SLC1A1: variants seen among roughly 807,000 people sequenced by gnomAD.
SLC1A1 encodes solute carrier family 1 member 1.
Under a neutral mutation model 53.3 loss-of-function variants are expected in SLC1A1, and 43 were observed. That is an observed-to-expected ratio of 0.81 (90% CI 0.63 to 1.04). The LOEUF (loss-of-function observed/expected upper bound fraction) is 1.04. Ranked by LOEUF, SLC1A1 falls within the 50% of genes least tolerant of loss-of-function variation. The pLI is 0.00. For synonymous variants in SLC1A1, 307 were observed against 243.2 expected, an observed-to-expected ratio of 1.26 and a Z score of -2.44; for missense variants, 748 against 664.9, an observed-to-expected ratio of 1.12 and a Z score of -1.37.
intron 1 of SLC1A1, among the ~76,000 whole-genome samples, chr9:4,500,557 C>G (rs761757588): frequency 6.6e-6 from 1 of 152,098 alleles, no homozygotes; most frequent in South Asian, 2.1e-4. Context: ...GTAGTCTGCC[C>G]GCCTCGGCCT....
At chr9:4,570,480 T>C (rs1365103302) in intron 6 of SLC1A1, among the ~76,000 whole-genome samples, 1 of 151,896 alleles carries the variant, frequency 6.6e-6, no homozygotes, top group African/African-American at 2.4e-5. Flanking sequence ...CAAGCAATTT[T>C]CTGCCTCAGC....
rs963568970 is a variant in SLC1A1 at position 4,556,477 on chromosome 9, G to A, written c.233-4972G>A. Among the ~76,000 whole-genome samples, 22 of 152,192 alleles carry A rather than the reference G, an allele frequency of 1.4e-4. No homozygotes were observed. The highest frequency in any genetic ancestry group is 2.7e-4 in the African/African-American group (11 of 41,452). The stretch of plus-strand genomic sequence containing the variant: ...ATAGGACAGCTTTCAACTCCCAGGA[G>A]AAACGAGTTCTGATAGTGAACTGTA... On this transcript the variant is annotated intron_variant, in intron 2 of 11. Coordinates refer to ENST00000262352, the MANE Select transcript of SLC1A1 (RefSeq NM_004170.6). The surrounding 1 kb of genome is among the most constrained non-coding windows in gnomAD (Gnocchi z 4.1).
At chr9:4,537,214 A>G (rs909760756) in intron 1 of SLC1A1, among the ~76,000 whole-genome samples, 1 of 152,312 alleles carries the variant, frequency 6.6e-6, no homozygotes, top group Middle Eastern at 3.4e-3. Context: ...GAAGATGTTT[A>G]ATGTGGGGGA....
At chr9:4,496,654 G>A (rs1820434406) in intron 1 of SLC1A1, among the ~76,000 whole-genome samples, 1 of 152,136 alleles carries the variant, frequency 6.6e-6, no homozygotes, top group Non-Finnish European at 1.5e-5. Context: ...CAGCACTTTG[G>A]GAGGTGAAGG....
At chr9:4,552,946 T>C (rs557128027) in intron 2 of SLC1A1, among the ~76,000 whole-genome samples, 1 of 152,084 alleles carries the variant, frequency 6.6e-6, no homozygotes, top group East Asian at 1.9e-4. Flanking sequence ...AATGCATTCA[T>C]TCTGGAAATG....
intron 1 of SLC1A1, among the ~76,000 whole-genome samples, chr9:4,502,808 C>T (rs1820681369): frequency 6.6e-6 from 1 of 151,710 alleles, no homozygotes; most frequent in Non-Finnish European, 1.5e-5. Flanking sequence ...TGCAAAGTGG[C>T]CAAATAAAGC....
intron 3 of SLC1A1, among the ~76,000 whole-genome samples, chr9:4,563,830 C>G (rs373198851): frequency 1.3e-5 from 2 of 152,110 alleles, no homozygotes; most frequent in Non-Finnish European, 2.9e-5. Context: ...CAGCATTTTC[C>G]TACATGACTG....
At chr9:4,508,743 G>A (rs1820892540) in intron 1 of SLC1A1, among the ~76,000 whole-genome samples, 1 of 152,144 alleles carries the variant, frequency 6.6e-6, no homozygotes, top group South Asian at 2.1e-4. Context: ...TTCATAATCA[G>A]GTTTGATGAG....
chr9:4,503,790 G>A (rs914396552), intron 1 of SLC1A1, among the ~76,000 whole-genome samples: 1 of 151,860 alleles, frequency 6.6e-6, no homozygotes, highest in Non-Finnish European at 1.5e-5. Context: ...ATCCAGCATT[G>A]TACTTACTTC....
chr9:4,493,390 C>G (rs557688241), intron 1 of SLC1A1, among the ~76,000 whole-genome samples: 98 of 152,158 alleles, frequency 6.4e-4, no homozygotes, highest in Non-Finnish European at 1.2e-3. Context: ...ATTCCAGTGA[C>G]TTATAACAGT....
At chr9:4,510,809 C>G (rs573607347) in intron 1 of SLC1A1, among the ~76,000 whole-genome samples, 1 of 152,194 alleles carries the variant, frequency 6.6e-6, no homozygotes, top group Admixed American at 6.5e-5. Context: ...ACCAAAGGAA[C>G]ATGGTGATCT....
At chr9:4,516,954 C>T (rs893527832) in intron 1 of SLC1A1, among the ~76,000 whole-genome samples, 4 of 152,168 alleles carry the variant, frequency 2.6e-5, no homozygotes, top group African/African-American at 9.7e-5. Flanking sequence ...CTCTTATCAC[C>T]TCTTTATGGA....
intron 1 of SLC1A1, among the ~76,000 whole-genome samples, chr9:4,529,384 T>C (rs1237777942): frequency 1.3e-5 from 2 of 152,158 alleles, no homozygotes; most frequent in African/African-American, 2.4e-5. Context: ...CTTTAAGCCT[T>C]TGCAGTAGTC....
At chr9:4,536,189 C>T (rs1001408221) in intron 1 of SLC1A1, among the ~76,000 whole-genome samples, 1 of 152,148 alleles carries the variant, frequency 6.6e-6, no homozygotes, top group African/African-American at 2.4e-5. Context: ...CCAAAACTGA[C>T]AAATGGGATC....
chr9:4,500,309 TTTTG>T (rs1349428992), intron 1 of SLC1A1, among the ~76,000 whole-genome samples: 7 of 152,150 alleles, frequency 4.6e-5, no homozygotes, highest in Admixed American at 4.6e-4. Context: ...GCCTTTTCTA[TTTTG>T]TTTGTTTTAT....
At chr9:4,504,505 G>A (rs1820735166) in intron 1 of SLC1A1, among the ~76,000 whole-genome samples, 1 of 152,214 alleles carries the variant, frequency 6.6e-6, no homozygotes, top group South Asian at 2.1e-4. Context: ...TTTTTCATTA[G>A]CAAAAGTTAA....
intron 1 of SLC1A1, among the ~76,000 whole-genome samples, chr9:4,523,262 CA>C (rs1816145527): frequency 1.3e-5 from 2 of 152,288 alleles, no homozygotes; most frequent in Admixed American, 1.3e-4. Flanking sequence ...GGACCTAACA[CA>C]GGTCCTTGGA....
intron 1 of SLC1A1, among the ~76,000 whole-genome samples, chr9:4,503,400 G>T (rs1040240808): frequency 1.3e-5 from 2 of 151,894 alleles, no homozygotes; most frequent in Non-Finnish European, 2.9e-5. Flanking sequence ...CAGAGTCAAA[G>T]TCTGTATTTT....
At chr9:4,520,572 A>G (rs1313355675) in intron 1 of SLC1A1, among the ~76,000 whole-genome samples, 1 of 152,216 alleles carries the variant, frequency 6.6e-6, no homozygotes, top group Non-Finnish European at 1.5e-5. Flanking sequence ...TTCAAGGCTC[A>G]TCCATACCAC....
Sources: gnomAD v4.1 joint callset for allele counts (sites outside exome capture counted in the v4.1 genomes callset) on GRCh38, gnomAD v4.1.1 for gene constraint, Gnocchi (gnomAD v3.1) non-coding constraint, MANE v1.5 for transcripts, NCBI Gene and HGNC (gene_info 2026-07-23, HGNC 2026-07-21) for gene names.